Variants in GLYATL1B observed in about 807,000 individuals in gnomAD.
The protein encoded by GLYATL1B is putative glycine N-acyltransferase-like protein 1B.
In GLYATL1B, 6 loss-of-function variants were observed where a neutral mutation model predicts 5.5. The ratio of observed to expected loss-of-function variants is 1.09; its 90% confidence interval spans 0.60 to 2.15. The LOEUF is 2.15. Among genes scored for constraint, GLYATL1B ranks in the 30% most tolerant of loss-of-function variants. The pLI, the probability that GLYATL1B is intolerant of heterozygous loss-of-function variation, is 0.00. For missense variants in GLYATL1B, 135 were observed against 94.1 expected (o/e 1.43, Z -1.80); for synonymous variants, 67 against 34.9 (o/e 1.92, Z -3.24).
At chr11:59,088,276 C>T (rs1406274069) in intron 2 of GLYATL1B, among the ~76,000 whole-genome samples, 1 of 152,148 alleles carries the variant, frequency 6.6e-6, no homozygotes, top group Non-Finnish European at 1.5e-5. Flanking sequence ...TGGCCGAGGA[C>T]ACACAAGGAA....
intron 2 of GLYATL1B, among the ~76,000 whole-genome samples, chr11:59,091,012 T>C (rs1448549970): frequency 1.3e-5 from 2 of 152,202 alleles, no homozygotes; most frequent in Non-Finnish European, 2.9e-5. Context: ...TTTTTGTCTT[T>C]TTATGGCAAT....
At chr11:59,091,849 G>A (rs56786993) in intron 2 of GLYATL1B, among the ~76,000 whole-genome samples, 2,065 of 151,808 alleles carry the variant, frequency 0.014, 41 homozygotes, top group African/African-American at 0.047. Flanking sequence ...AAAAAACTTG[G>A]TACATGTATT....
At position 59,094,487 on chromosome 11, in the gene GLYATL1B, G is replaced by A. The variant is rs1470944589; in HGVS notation, c.610G>A (p.Ala204Thr). 14 of 766,968 alleles carry A rather than the reference G, an allele frequency of 1.8e-5. No individual in the cohort carries two copies. Among genetic ancestry groups the A allele is most frequent in the East Asian group, 5.2e-5 (2 of 38,538 alleles). 47.5% of individuals were successfully genotyped at this position (766,968 alleles called of 1,614,324 possible). The change falls in exon 5 of 5, where the codon GCC becomes ACC. Residue 204 changes from alanine (A) to threonine (T), a missense_variant. Physicochemically the swap from Ala to Thr is moderately conservative, Grantham distance 58 (BLOSUM62 0). Coordinates refer to ENST00000527482, the MANE Select transcript of GLYATL1B (RefSeq NM_001355566.1). ...GCGTTACATCAAGCGCTGCCTAGGA[G>A]CCCTGCCAGCAGCCTGTATGCTGGG... Reference protein sequence around the residue: ...SLRYIKRCLGALPAACMLGPE... With the variant: ...SLRYIKRCLGTLPAACMLGPE...
At chr11:59,091,864 T>C (rs1333744127) in intron 2 of GLYATL1B, among the ~76,000 whole-genome samples, 1 of 152,210 alleles carries the variant, frequency 6.6e-6, no homozygotes, top group Non-Finnish European at 1.5e-5. Context: ...TGTATTCCTA[T>C]GGAATACTAC....
rs887598686 is a variant in GLYATL1B at position 59,094,459 on chromosome 11, C to T, written c.582C>T (p.Ser194=). ...GGAAGCTAGGGATGAATAAGAGGAG[C>T]CTGCGTTACATCAAGCGCTGCCTAG... The part of the protein sequence containing the change: ...DNWKLGMNKR[S]LRYIKRCLGA... Residue 194 remains serine (S), a synonymous_variant, in exon 5 of 5, where the codon AGC becomes AGT. Coordinates refer to ENST00000527482, the MANE Select transcript of GLYATL1B (RefSeq NM_001355566.1). The T allele has an allele frequency of 5.6e-6, 4 of 713,612 alleles. No individual in the cohort carries two copies. The highest frequency in any genetic ancestry group is 1.0e-5 in the Non-Finnish European group (4 of 390,908). 44.2% of individuals were successfully genotyped at this position (713,612 alleles called of 1,614,324 possible). A position where few individuals can be genotyped will look rare whatever the true frequency, so the allele number is the denominator to read the frequency against.
chr11:59,091,898 A>G (rs1859320673), intron 2 of GLYATL1B, among the ~76,000 whole-genome samples: 1 of 152,140 alleles, frequency 6.6e-6, no homozygotes, highest in East Asian at 1.9e-4. Flanking sequence ...AGAATAAAAT[A>G]TTGTCCTTTG....
chr11:59,093,567 T>A lies in GLYATL1B; in HGVS notation c.225T>A (p.Tyr75Ter), dbSNP rs570889107. 2.1e-6 allele frequency: 1 copy of A among 484,550 alleles called. No homozygotes were observed. The highest frequency in any genetic ancestry group is 3.1e-5 in the East Asian group (1 of 32,084). The allele number at this position is 484,550 out of a possible 1,614,324, so 30.0% of individuals were successfully genotyped here. The change falls in exon 3 of 5, where the codon TAT becomes TAA. Residue 75 changes from tyrosine (Y) to a stop codon, truncating the protein, a stop_gained. Coordinates refer to ENST00000527482, the MANE Select transcript of GLYATL1B (RefSeq NM_001355566.1). LOFTEE classifies it high-confidence loss of function. Reference sequence around the variant, plus strand: ...ACATGGATTCATACACTAATGTATATCGTGTATTCTCCAAAGACCCTCAAA... The same window carrying A: ...ACATGGATTCATACACTAATGTATAACGTGTATTCTCCAAAGACCCTCAAA... ...TDDMDSYTNV[Y>*]RVFSKDPQKS...
At chr11:59,088,308 T>C (rs113825847) in intron 2 of GLYATL1B, among the ~76,000 whole-genome samples, 1 of 152,216 alleles carries the variant, frequency 6.6e-6, no homozygotes, top group Admixed American at 6.5e-5. Context: ...GCTGAAATAG[T>C]AATACAAACC....
chr11:59,094,580 G>A lies in GLYATL1B; in HGVS notation c.703G>A (p.Val235Met), dbSNP rs1448818248. 9.7e-6 allele frequency: 5 copies of A among 513,384 alleles called. No individual in the cohort carries two copies. The highest frequency in any genetic ancestry group is 7.8e-5 in the African/African-American group (4 of 51,222). 31.8% of individuals were successfully genotyped at this position (513,384 alleles called of 1,614,324 possible). A position where few individuals can be genotyped will look rare whatever the true frequency, so the allele number is the denominator to read the frequency against. ...TTGTGAAATAGGAATGGGCTACAGT[G>A]TGGAAAAATACCGAAGGAGAGGCAA... Reference protein sequence around the residue: ...PSCEIGMGYSVEKYRRRGNGT... With the variant: ...PSCEIGMGYSMEKYRRRGNGT... Residue 235 changes from valine to methionine, a missense_variant, in exon 5 of 5, where the codon GTG (valine) becomes ATG (methionine). Physicochemically the swap from Val to Met is conservative, Grantham distance 21 (BLOSUM62 1). Coordinates refer to ENST00000527482, the MANE Select transcript of GLYATL1B (RefSeq NM_001355566.1).
chr11:59,089,203 T>A (rs1859256352), intron 2 of GLYATL1B, among the ~76,000 whole-genome samples: 2 of 152,224 alleles, frequency 1.3e-5, no homozygotes, highest in South Asian at 4.1e-4. Context: ...TTTGTTTTAA[T>A]AACTGTGGCG....
chr11:59,087,613 G>A (rs1024441934), intron 2 of GLYATL1B, among the ~76,000 whole-genome samples: 9 of 152,182 alleles, frequency 5.9e-5, no homozygotes, highest in Non-Finnish European at 1.0e-4. Flanking sequence ...GGGAGGCCAA[G>A]GCAGGAGGAT....
chr11:59,088,137 C>T (rs893300142), intron 2 of GLYATL1B, among the ~76,000 whole-genome samples: 1 of 152,112 alleles, frequency 6.6e-6, no homozygotes, highest in Non-Finnish European at 1.5e-5. Context: ...GTTTTATCAT[C>T]TGTTAAAATG....
chr11:59,089,914 C>T (rs1859272845), intron 2 of GLYATL1B, among the ~76,000 whole-genome samples: 1 of 151,918 alleles, frequency 6.6e-6, no homozygotes, highest in East Asian at 1.9e-4. Flanking sequence ...AAACCAAGAT[C>T]GTACAAGTTG....
chr11:59,094,226 A>G (rs1244620539), intron 4 of GLYATL1B, 115 bp downstream of exon 4: 1 of 502,258 alleles, frequency 2.0e-6, no homozygotes, highest in Non-Finnish European at 3.6e-6. Context: ...GGATGAATAA[A>G]GGTTGTCAGT....
In GLYATL1B at chr11:59,087,186, A is replaced by T; in HGVS notation, c.186+15A>T. The T allele has an allele frequency of 1.7e-6, 1 of 586,756 alleles. No individual in the cohort carries two copies. The highest frequency in any genetic ancestry group is 2.4e-5 in the Admixed American group (1 of 41,974). The allele number at this position is 586,756 out of a possible 1,614,324, so 36.3% of individuals were successfully genotyped here. On this transcript the variant is annotated intron_variant, in intron 2 of 4. Transcript: ENST00000527482. ...CTCAAAAACAGGTAGGCACACAGAC[A>T]GGGACTGGTGGAGCCAGGCAGGTCC...
At position 59,086,936 on chromosome 11, in the gene GLYATL1B, T is replaced by C. The variant is rs115475478; in HGVS notation, c.79-128T>C. 1.9e-3 allele frequency: 821 copies of C among 435,548 alleles called. 1 individual carries two copies. Among genetic ancestry groups the C allele is most frequent in the African/African-American group, 0.013 (649 of 48,964 alleles). 27.0% of individuals were successfully genotyped at this position (435,548 alleles called of 1,614,324 possible). A position where few individuals can be genotyped will look rare whatever the true frequency, so the allele number is the denominator to read the frequency against. ...CATCAGTATGGTCCTGGAGATGCTGTTCATCTCATCATCACTGACTTGGTC... is the reference window on the plus strand; with the variant it reads ...CATCAGTATGGTCCTGGAGATGCTGCTCATCTCATCATCACTGACTTGGTC... On this transcript the variant is annotated intron_variant, in intron 1 of 4. Coordinates refer to ENST00000527482, the MANE Select transcript of GLYATL1B (RefSeq NM_001355566.1).
chr11:59,087,210 C>T, intron 2 of GLYATL1B, 39 bp downstream of exon 2: 2 of 534,410 alleles, frequency 3.7e-6, no homozygotes, highest in Non-Finnish European at 6.6e-6. Flanking sequence ...CCAGGCAGGT[C>T]CAAAGGGCCT....
At chr11:59,086,945 T>A in intron 1 of GLYATL1B, 119 bp from the exon 2 acceptor site, 2 of 438,800 alleles carry the variant, frequency 4.6e-6, no homozygotes, top group Non-Finnish European at 8.0e-6. Flanking sequence ...GTTCATCTCA[T>A]CATCACTGAC....
At chr11:59,091,380 T>C (rs1253124212) in intron 2 of GLYATL1B, among the ~76,000 whole-genome samples, 4 of 152,210 alleles carry the variant, frequency 2.6e-5, no homozygotes, top group Non-Finnish European at 5.9e-5. Flanking sequence ...GGGGTACATG[T>C]GCATATTTGT....
Sources: allele counts gnomAD v4.1 joint callset (sites outside exome capture counted in the v4.1 genomes callset), GRCh38; gene constraint gnomAD v4.1.1; transcripts MANE v1.5; gene names NCBI Gene and HGNC (gene_info 2026-07-23, HGNC 2026-07-21).